The following KAZN variants were observed in gnomAD, a reference collection of about 807,000 sequenced individuals.
KAZN encodes the protein kazrin.
Under a neutral mutation model 87.4 loss-of-function variants are expected in KAZN, and 40 were observed. That is an observed-to-expected ratio of 0.46 (90% CI 0.36 to 0.60). The LOEUF is 0.60. Among genes scored for constraint, KAZN ranks in the 20% least tolerant of loss-of-function variants. KAZN has a pLI of 0.00. For missense variants in KAZN, 898 were observed against 1,073.9 expected (o/e 0.84, Z 2.29); for synonymous variants, 466 against 458.3 (o/e 1.02, Z -0.22).
chr1:14,802,925 CCA>C (rs1227525476), intron 1 of KAZN, among the ~76,000 whole-genome samples: 5 of 152,128 alleles, frequency 3.3e-5, no homozygotes, highest in African/African-American at 1.2e-4. Flanking sequence ...TGTCCCCAAC[CCA>C]CAGAGGGGCT....
At chr1:14,380,524 A>C (rs1661277938) in intron 2 of KAZN, among the ~76,000 whole-genome samples, 1 of 152,214 alleles carries the variant, frequency 6.6e-6, no homozygotes, top group Non-Finnish European at 1.5e-5. Context: ...GGTTGAAATA[A>C]TTGAAAAGAA....
intron 2 of KAZN, among the ~76,000 whole-genome samples, chr1:14,976,031 C>CAAAAAA (rs1162988294): frequency 2.3e-5 from 2 of 85,552 alleles, no homozygotes; most frequent in Non-Finnish European, 4.7e-5. Context: ...GACTCCGTCT[C>CAAAAAA]AAAAAAAAAA....
chr1:14,871,066 T>C lies in KAZN; in HGVS notation c.227-89618T>C, dbSNP rs61044667. Among the ~76,000 whole-genome samples, 4 of 152,280 alleles carry C rather than the reference T, an allele frequency of 2.6e-5. No homozygotes were observed. The East Asian group carries it at 7.8e-4, about 30-fold the overall frequency. On this transcript the variant is annotated intron_variant, in intron 1 of 14. Transcript: ENST00000376030. ...CCAGGCCCACCTGATCTCCAAGAGG[T>C]GGACAGTGCTGTTGCCTGAGCCCAG...
chr1:14,775,255 A>G (rs1265475131), intron 1 of KAZN, among the ~76,000 whole-genome samples: 4 of 152,308 alleles, frequency 2.6e-5, no homozygotes, highest in Non-Finnish European at 5.9e-5. Context: ...GTCTTTAGTA[A>G]TGTGTGTCTT....
chr1:14,519,606 C>T (rs1325599831), intron 2 of KAZN, among the ~76,000 whole-genome samples: 1 of 152,070 alleles, frequency 6.6e-6, no homozygotes, highest in Non-Finnish European at 1.5e-5. Flanking sequence ...AAAGCCTAGG[C>T]CAGGGCACGA....
At chr1:14,354,672 ACACACACACAC>A (rs1658851749) in intron 2 of KAZN, among the ~76,000 whole-genome samples, 1 of 151,802 alleles carries the variant, frequency 6.6e-6, no homozygotes, top group African/African-American at 2.4e-5. Context: ...ACACACACAC[ACACACACACAC>A]ACACAAACAA....
chr1:14,126,214 G>A (rs12068639), intron 1 of KAZN, among the ~76,000 whole-genome samples: 86,957 of 151,898 alleles, frequency 0.57, 26,154 homozygotes, highest in East Asian at 0.76. Context: ...TTTCAGTCAC[G>A]TGAGGCACAA....
At chr1:14,736,301 ATATTT>A (rs1643903583) in intron 1 of KAZN, among the ~76,000 whole-genome samples, 1 of 101,022 alleles carries the variant, frequency 9.9e-6, no homozygotes, top group African/African-American at 4.5e-5. Context: ...GTGTGTGTGT[ATATTT>A]TTTTTTTTTG....
intron 2 of KAZN, among the ~76,000 whole-genome samples, chr1:14,993,222 C>G (rs2101965096): frequency 6.6e-6 from 1 of 150,824 alleles, no homozygotes; most frequent in African/African-American, 2.4e-5. Context: ...AATCCCAGCA[C>G]TCTGGGAGGC....
At chr1:14,016,151 A>C (rs895714635) in intron 1 of KAZN, among the ~76,000 whole-genome samples, 4 of 152,098 alleles carry the variant, frequency 2.6e-5, no homozygotes, top group African/African-American at 9.7e-5. Flanking sequence ...TGGGGTGCTC[A>C]TTTCTTTTCT....
At chr1:14,070,261 GT>G (rs201417536) in intron 1 of KAZN, among the ~76,000 whole-genome samples, 2,717 of 151,366 alleles carry the variant, frequency 0.018, 58 homozygotes, top group African/African-American at 0.063. Flanking sequence ...AGGGATTAAG[GT>G]TTTTTTTATT....
At chr1:14,105,358 C>CAG (rs1644345370) in intron 1 of KAZN, among the ~76,000 whole-genome samples, 1 of 152,108 alleles carries the variant, frequency 6.6e-6, no homozygotes, top group Non-Finnish European at 1.5e-5. Context: ...CCATGCTGGG[C>CAG]AGAGAGAGCC....
At position 15,056,356 on chromosome 1, in the gene KAZN, G is replaced by A; in HGVS notation, c.916+76G>A. On this transcript the variant is annotated intron_variant, in intron 5 of 14. Transcript: ENST00000376030. This position sits in a 1 kb window ranked among gnomAD's most constrained non-coding sequence, Gnocchi z 5.4. ...GAGGCCATCTGACCCAGTGGGAGAG[G>A]CAGCTGCTTTGTTCGTACTACAGCA... is the stretch of plus-strand genomic sequence containing the variant. The A allele has an allele frequency of 7.0e-7, 1 of 1,437,534 alleles. No individual in the cohort carries two copies. The highest frequency in any genetic ancestry group is 2.2e-5 in the Admixed American group (1 of 46,228). 89.0% of individuals were successfully genotyped at this position (1,437,534 alleles called of 1,614,324 possible).
Position 15,047,542 on chromosome 1 carries a change from G to A in KAZN, c.726+3383G>A, listed in dbSNP as rs912772514. Among the ~76,000 whole-genome samples, 12 of 152,170 alleles carry A rather than the reference G, an allele frequency of 7.9e-5. No individual in the cohort carries two copies. In the South Asian group the frequency reaches 1.0e-3, roughly 13 times the overall value. Reference sequence around the variant, plus strand: ...TCTTTTGGCTTTGGGAGGCCAAAGCGGGCAGATGACTTGAGGTCAGGAGTT... The same window carrying A: ...TCTTTTGGCTTTGGGAGGCCAAAGCAGGCAGATGACTTGAGGTCAGGAGTT... On this transcript the variant is annotated intron_variant, in intron 4 of 14. Transcript: ENST00000376030.
chr1:14,781,585 T>G (rs1215838397), intron 1 of KAZN, among the ~76,000 whole-genome samples: 1 of 152,220 alleles, frequency 6.6e-6, no homozygotes, highest in African/African-American at 2.4e-5. Context: ...GGGGTCCAGA[T>G]AGGAGGGGAC....
At chr1:14,257,308 G>T (rs1357555082) in intron 2 of KAZN, among the ~76,000 whole-genome samples, 1 of 148,162 alleles carries the variant, frequency 6.7e-6, no homozygotes, top group African/African-American at 2.5e-5. Flanking sequence ...CCCACTTTTT[G>T]ATGGGGTTGT....
chr1:14,200,846 A>AT (rs1391546437), intron 2 of KAZN, among the ~76,000 whole-genome samples: 2 of 151,300 alleles, frequency 1.3e-5, no homozygotes, highest in African/African-American at 4.9e-5. Context: ...AGTCTTGGTT[A>AT]CTTTTTTTTT....
At chr1:14,927,345 A>G (rs1476809612) in intron 1 of KAZN, among the ~76,000 whole-genome samples, 2 of 152,120 alleles carry the variant, frequency 1.3e-5, no homozygotes, top group African/African-American at 4.8e-5. Flanking sequence ...GCAGCAAAGG[A>G]GATGACTGCA....
At chr1:15,003,005 TAC>T (rs113317563) in intron 2 of KAZN, among the ~76,000 whole-genome samples, 4,183 of 131,196 alleles carry the variant, frequency 0.032, 174 homozygotes, top group African/African-American at 0.097. Flanking sequence ...AAAATAAACG[TAC>T]ACACACACAC....
Sources: gnomAD v4.1 joint callset for allele counts (sites outside exome capture counted in the v4.1 genomes callset) on GRCh38, gnomAD v4.1.1 for gene constraint, Gnocchi (gnomAD v3.1) non-coding constraint, MANE v1.5 for transcripts, NCBI Gene and HGNC (gene_info 2026-07-23, HGNC 2026-07-21) for gene names.